Variants in ERBB4 observed in about 807,000 individuals in gnomAD.
ERBB4 encodes the protein receptor tyrosine-protein kinase erbB-4.
ERBB4 carries 42 observed loss-of-function variants against 158.0 expected under a neutral mutation model. The observed-to-expected ratio is 0.27, with a 90% confidence interval of 0.21 to 0.34. ERBB4 has a LOEUF of 0.34. ERBB4 is among the 10% of genes least tolerant of loss of function. The pLI is 1.00. For synonymous variants in ERBB4, 583 were observed against 558.7 expected, an observed-to-expected ratio of 1.04 and a Z score of -0.61; for missense variants, 1,333 against 1,624.1, an observed-to-expected ratio of 0.82 and a Z score of 3.08.
At chr2:212,256,946 G>A (rs1323872498) in intron 1 of ERBB4, among the ~76,000 whole-genome samples, 1 of 152,110 alleles carries the variant, frequency 6.6e-6, no homozygotes, top group African/African-American at 2.4e-5. Flanking sequence ...GATTTAGGGG[G>A]TGCATGTGCA....
intron 3 of ERBB4, among the ~76,000 whole-genome samples, chr2:211,883,114 G>A (rs192736046): frequency 1.3e-5 from 2 of 152,150 alleles, no homozygotes; most frequent in Middle Eastern, 3.2e-3. Context: ...ATACTATGCA[G>A]CCATAAAAAA....
At chr2:212,409,249 C>T (rs988002933) in intron 1 of ERBB4, among the ~76,000 whole-genome samples, 5 of 152,080 alleles carry the variant, frequency 3.3e-5, no homozygotes, top group Admixed American at 2.0e-4. Flanking sequence ...CCCTTCTCTA[C>T]CTACTTGTCC....
chr2:211,932,932 C>A (rs562462347), intron 3 of ERBB4, among the ~76,000 whole-genome samples: 7 of 151,990 alleles, frequency 4.6e-5, no homozygotes, highest in African/African-American at 1.7e-4. Flanking sequence ...CCAAAAGTAA[C>A]AGAAGTCACT....
rs2063492457 is a variant in ERBB4, at chr2:211,420,533, C to T, written c.3043G>A (p.Asp1015Asn). 1 of 1,612,756 alleles carries T rather than the reference C, an allele frequency of 6.2e-7. No individual in the cohort carries two copies. Among genetic ancestry groups the T allele is most frequent in the Non-Finnish European group, 8.5e-7 (1 of 1,179,042 alleles). ...AAGTACTCCTCAGCATCCATCATAT[C>T]TTCCAAATCCTCTTCATCCAAGAGA... is the stretch of plus-strand genomic sequence containing the variant. The part of the protein sequence containing the change: ...QNLLDEEDLE[D>N]MMDAEEYLVP... The change falls in exon 25 of 28, where the codon GAT becomes AAT. Residue 1015 changes from aspartate to asparagine, a missense_variant. Transcript: ENST00000342788.
rs1433057125 is a variant in ERBB4, at chr2:212,191,549, T to TATAC, written c.83-66647_83-66646insGTAT. ...TACCTGTTATATATAACACATGTGT[T>TATAC]ATGCCTGTTATATATAACACATGTG... On this transcript the variant is annotated intron_variant, in intron 1 of 27. Transcript: ENST00000342788. 8.2e-3 allele frequency among the ~76,000 whole-genome samples: 1,042 copies of TATAC among 127,028 alleles called. 421 individuals carry two copies. The highest frequency in any genetic ancestry group is 0.021 in the African/African-American group (722 of 34,924). 83.3% of individuals were successfully genotyped at this position (127,028 alleles called of 152,430 possible).
At chr2:212,109,457 C>G (rs1467249938) in intron 2 of ERBB4, among the ~76,000 whole-genome samples, 1 of 152,202 alleles carries the variant, frequency 6.6e-6, no homozygotes, top group Non-Finnish European at 1.5e-5. Flanking sequence ...GTACTCTCCT[C>G]ACCAAGGTCA....
chr2:211,576,243 A>G (rs1333529034), intron 19 of ERBB4, among the ~76,000 whole-genome samples: 1 of 152,206 alleles, frequency 6.6e-6, no homozygotes, highest in African/African-American at 2.4e-5. Flanking sequence ...AGTCAAAGGA[A>G]CATGTGGCTT....
chr2:211,515,910 ATATT>A (rs1297036169), intron 20 of ERBB4, among the ~76,000 whole-genome samples: 4 of 83,170 alleles, frequency 4.8e-5, no homozygotes, highest in Admixed American at 1.3e-4. Flanking sequence ...ATATATATAT[ATATT>A]TTTTTTTTTT....
chr2:211,669,205 AGAGT>A (rs1406315253), intron 14 of ERBB4, among the ~76,000 whole-genome samples: 24 of 138,624 alleles, frequency 1.7e-4, no homozygotes, highest in Non-Finnish European at 3.2e-4. Context: ...TCTGGGCGAC[AGAGT>A]GAGTCTCAAA....
chr2:211,804,021 G>A (rs764125934), intron 3 of ERBB4, among the ~76,000 whole-genome samples: 5 of 152,126 alleles, frequency 3.3e-5, no homozygotes, highest in East Asian at 1.9e-4. Flanking sequence ...TAGAATAAGC[G>A]TCTGGCTATC....
chr2:211,882,166 C>G (rs920093598), intron 3 of ERBB4, among the ~76,000 whole-genome samples: 1 of 152,000 alleles, frequency 6.6e-6, no homozygotes, highest in East Asian at 1.9e-4. Flanking sequence ...TGATTCAGCT[C>G]CTTCTCATTT....
intron 20 of ERBB4, among the ~76,000 whole-genome samples, chr2:211,455,392 G>T (rs1282089028): frequency 1.3e-5 from 2 of 152,132 alleles, no homozygotes; most frequent in Non-Finnish European, 2.9e-5. Flanking sequence ...AGGGACAATG[G>T]GTTCCCAGCA....
chr2:212,104,752 T>C (rs1325530614), intron 2 of ERBB4, among the ~76,000 whole-genome samples: 1 of 152,158 alleles, frequency 6.6e-6, no homozygotes, highest in Non-Finnish European at 1.5e-5. Flanking sequence ...TTTATGATAT[T>C]GCGATTGTTT....
chr2:211,485,725 G>A (rs1247653906), intron 20 of ERBB4, among the ~76,000 whole-genome samples: 1 of 132,548 alleles, frequency 7.5e-6, no homozygotes, highest in African/African-American at 2.7e-5. Flanking sequence ...GGGGGAGGGG[G>A]GAGGGATAGC....
chr2:212,224,991 T>G (rs773166252), intron 1 of ERBB4, among the ~76,000 whole-genome samples: 1 of 152,112 alleles, frequency 6.6e-6, no homozygotes, highest in Non-Finnish European at 1.5e-5. Context: ...CACTAACTAA[T>G]GTCAATAAAA....
intron 2 of ERBB4, among the ~76,000 whole-genome samples, chr2:212,003,472 T>C (rs1559295365): frequency 6.6e-6 from 1 of 151,988 alleles, no homozygotes; most frequent in Non-Finnish European, 1.5e-5. Context: ...GAATAGTGTC[T>C]GGAGCCAGGG....
rs73071221 is a variant in ERBB4 at position 212,132,089 on chromosome 2, A to C, written c.83-7186T>G. Among the ~76,000 whole-genome samples the C allele has an allele frequency of 3.5e-3, 533 of 152,216 alleles. 2 individuals are homozygous for C. The highest frequency in any genetic ancestry group is 0.012 in the African/African-American group (508 of 41,552). On this transcript the variant is annotated intron_variant, in intron 1 of 27. Coordinates refer to ENST00000342788, the MANE Select transcript of ERBB4 (RefSeq NM_005235.3). ...TGTATTACTTTATGTCATAATATTT[A>C]AGTATTCTTAATTTTACACAATAGT...
At chr2:211,505,613 G>A (rs62178820) in intron 20 of ERBB4, among the ~76,000 whole-genome samples, 23,571 of 151,776 alleles carry the variant, frequency 0.16, 3,074 homozygotes, top group African/African-American at 0.36. Flanking sequence ...GGAACAAAAC[G>A]TCACATATCA....
intron 3 of ERBB4, among the ~76,000 whole-genome samples, chr2:211,830,729 T>A (rs1189146748): frequency 6.6e-6 from 1 of 152,072 alleles, no homozygotes; most frequent in Non-Finnish European, 1.5e-5. Context: ...TAGGTCACAT[T>A]AAAAAATAAA....
Sources: allele counts gnomAD v4.1 joint callset (sites outside exome capture counted in the v4.1 genomes callset), GRCh38; gene constraint gnomAD v4.1.1; transcripts MANE v1.5; gene names NCBI Gene and HGNC (gene_info 2026-07-23, HGNC 2026-07-21).